GRB14: variants seen among roughly 807,000 people sequenced by gnomAD.
GRB14 encodes the protein growth factor receptor-bound protein 14.
GRB14 carries 38 observed loss-of-function variants against 69.1 expected under a neutral mutation model. That is an observed-to-expected ratio of 0.55 (90% confidence interval 0.42 to 0.72). The LOEUF (loss-of-function observed/expected upper bound fraction) is 0.72, where lower values mean the gene tolerates loss of function less well. Among genes scored for constraint, GRB14 ranks in the 30% least tolerant of loss-of-function variants. The pLI is 0.00. For missense variants in GRB14, 666 were observed against 666.1 expected (o/e 1.00, Z 0.00); for synonymous variants, 247 against 241.3 (o/e 1.02, Z -0.22).
intron 2 of GRB14, among the ~76,000 whole-genome samples, chr2:164,594,489 C>G (rs1021418403): frequency 6.6e-6 from 1 of 152,140 alleles, no homozygotes; most frequent in Non-Finnish European, 1.5e-5. Context: ...CGTAGAGTTA[C>G]GTTTCTGGCC....
At chr2:164,502,359 C>T (rs1421277607) in intron 8 of GRB14, 24 bp from the exon 9 acceptor site, 1 of 1,212,744 alleles carries the variant, frequency 8.2e-7, no homozygotes, top group Non-Finnish European at 1.2e-6. Flanking sequence ...AAATAAAACA[C>T]ATTCCCACCA....
At chr2:164,570,445 T>C (rs1689099964) in intron 2 of GRB14, among the ~76,000 whole-genome samples, 2 of 152,302 alleles carry the variant, frequency 1.3e-5, no homozygotes, top group African/African-American at 2.4e-5. Context: ...TTAAGGTCAC[T>C]GTCTCATAGT....
intron 2 of GRB14, among the ~76,000 whole-genome samples, chr2:164,588,018 A>G (rs1288507114): frequency 1.3e-5 from 2 of 152,156 alleles, no homozygotes; most frequent in Non-Finnish European, 2.9e-5. Flanking sequence ...ACCCTTTCCT[A>G]TCTTTCCACA....
intron 2 of GRB14, among the ~76,000 whole-genome samples, chr2:164,588,054 A>T (rs1447486490): frequency 6.6e-6 from 1 of 152,176 alleles, no homozygotes; most frequent in East Asian, 1.9e-4. Context: ...TCATCAAAAC[A>T]TTTCTCAAGC....
intron 2 of GRB14, among the ~76,000 whole-genome samples, chr2:164,594,056 AG>A (rs1281637233): frequency 6.6e-6 from 1 of 152,172 alleles, no homozygotes; most frequent in African/African-American, 2.4e-5. Flanking sequence ...CCATATTGTC[AG>A]TAGGGGAGAA....
At chr2:164,617,809 A>G (rs982566291) in intron 2 of GRB14, among the ~76,000 whole-genome samples, 42 of 152,208 alleles carry the variant, frequency 2.8e-4, no homozygotes, top group Middle Eastern at 3.4e-3. Flanking sequence ...TTGCTTAGCT[A>G]GGGTCCTTAC....
intron 2 of GRB14, among the ~76,000 whole-genome samples, chr2:164,571,935 C>G (rs897129073): frequency 6.6e-6 from 1 of 152,204 alleles, no homozygotes; most frequent in African/African-American, 2.4e-5. Flanking sequence ...CACATTCATA[C>G]AGCCCTTGTT....
At position 164,547,727 on chromosome 2, in the gene GRB14, G is replaced by A; in HGVS notation, c.414C>T (p.Ile138=). 1 of 1,613,666 alleles carries A rather than the reference G, an allele frequency of 6.2e-7. No individual in the cohort carries two copies. The highest frequency in any genetic ancestry group is 8.5e-7 in the Non-Finnish European group (1 of 1,179,744). ...ITARDVCQLL[I]LKNHYIDDHS... is the part of the protein sequence containing the mutation. ...GGTCATCAATGTAATGATTCTTCAGGATCAACAGCTGACAAACATCTCGAG... is the reference window on the plus strand; with the variant it reads ...GGTCATCAATGTAATGATTCTTCAGAATCAACAGCTGACAAACATCTCGAG... The change falls in exon 3 of 14, where the codon ATC becomes ATT. Residue 138 remains isoleucine (I), a synonymous_variant. Coordinates refer to ENST00000263915, the MANE Select transcript of GRB14 (RefSeq NM_004490.3).
chr2:164,586,542 C>T (rs187337210), intron 2 of GRB14, among the ~76,000 whole-genome samples: 1 of 152,234 alleles, frequency 6.6e-6, no homozygotes, highest in East Asian at 1.9e-4. Context: ...CATTATGTGT[C>T]CCCTTTCCAT....
intron 2 of GRB14, among the ~76,000 whole-genome samples, chr2:164,613,967 A>C (rs1001563114): frequency 6.6e-6 from 1 of 152,232 alleles, no homozygotes; most frequent in East Asian, 1.9e-4. Context: ...AAAAAATATA[A>C]AAAATCAAAT....
At position 164,616,358 on chromosome 2, in the gene GRB14, A is replaced by G. The variant is rs568371825; in HGVS notation, c.324+3329T>C. ...GGAGAATGGCATGAACCCAGGAGGC[A>G]GAGCTTGCAGTAAGCCGAGATTGTG... On this transcript the variant is annotated intron_variant, in intron 2 of 13. Transcript: ENST00000263915. Among the ~76,000 whole-genome samples the G allele has an allele frequency of 3.5e-4, 52 of 148,482 alleles. 1 individual carries two copies. The highest frequency in any genetic ancestry group is 1.2e-3 in the African/African-American group (47 of 40,396).
intron 2 of GRB14, among the ~76,000 whole-genome samples, chr2:164,583,529 G>C (rs1249358465): frequency 6.6e-6 from 1 of 152,156 alleles, no homozygotes. Flanking sequence ...ACAGATTTAA[G>C]TAGTGTTAAC....
chr2:164,534,525 C>T (rs1012057760), intron 3 of GRB14, among the ~76,000 whole-genome samples: 5 of 151,876 alleles, frequency 3.3e-5, no homozygotes, highest in South Asian at 2.1e-4. Context: ...AAAATAAAAA[C>T]GCTGCAAAAG....
chr2:164,545,124 T>A (rs1046604587), intron 3 of GRB14, among the ~76,000 whole-genome samples: 2 of 152,226 alleles, frequency 1.3e-5, no homozygotes, highest in African/African-American at 4.8e-5. Flanking sequence ...TGACTATGTA[T>A]AAAATTCTTT....
At chr2:164,583,695 A>C (rs1328195245) in intron 2 of GRB14, among the ~76,000 whole-genome samples, 1 of 152,224 alleles carries the variant, frequency 6.6e-6, no homozygotes, top group Admixed American at 6.5e-5. Flanking sequence ...AGAAAGCAAA[A>C]ATAAGAAACA....
rs578129838 is a variant in GRB14, at chr2:164,574,837, A to G, written c.325-27021T>C. Among the ~76,000 whole-genome samples the G allele has an allele frequency of 6.6e-5, 10 of 151,952 alleles. No homozygotes were observed. In the East Asian group the frequency reaches 1.9e-3, roughly 30 times the overall value. On this transcript the variant is annotated intron_variant, in intron 2 of 13. Transcript: ENST00000263915. The stretch of plus-strand genomic sequence containing the variant: ...TGAGCACCTGTAGTTCCATCTATTC[A>G]AGAGGCTAAGCCAGGAGGATTGCTT...
At chr2:164,597,265 T>C (rs1344789389) in intron 2 of GRB14, among the ~76,000 whole-genome samples, 1 of 152,216 alleles carries the variant, frequency 6.6e-6, no homozygotes, top group African/African-American at 2.4e-5. Context: ...TGTGCAAGGA[T>C]TTACAGGATG....
In GRB14 at chr2:164,521,432, G is replaced by A. The variant is rs781155477; in HGVS notation, c.816+548C>T. On this transcript the variant is annotated intron_variant, in intron 6 of 13. Coordinates refer to ENST00000263915, the MANE Select transcript of GRB14 (RefSeq NM_004490.3). Reference sequence around the variant, plus strand: ...TAGAGTGTATTCTGCCTGTTGATGCGTGCACCAAACTCTCAGAAATCACCA... The same window carrying A: ...TAGAGTGTATTCTGCCTGTTGATGCATGCACCAAACTCTCAGAAATCACCA... Among the ~76,000 whole-genome samples, 4 of 152,130 alleles carry A rather than the reference G, an allele frequency of 2.6e-5. 1 individual carries two copies. In the South Asian group the frequency reaches 6.2e-4, roughly 24 times the overall value.
At chr2:164,615,245 G>A (rs895826344) in intron 2 of GRB14, among the ~76,000 whole-genome samples, 4 of 151,666 alleles carry the variant, frequency 2.6e-5, no homozygotes, top group Non-Finnish European at 5.9e-5. Context: ...CACAAAAGCT[G>A]GTTATTAATA....
Sources: gnomAD v4.1 joint callset for allele counts (sites outside exome capture counted in the v4.1 genomes callset) on GRCh38, gnomAD v4.1.1 for gene constraint, MANE v1.5 for transcripts, NCBI Gene and HGNC (gene_info 2026-07-23, HGNC 2026-07-21) for gene names.